PUS10: variants seen among roughly 807,000 people sequenced by gnomAD.
PUS10 encodes pseudouridine synthase 10.
A neutral mutation model predicts 75.0 loss-of-function variants in PUS10; 59 were observed. The observed-to-expected ratio is 0.79, with a 90% CI of 0.64 to 0.98. The LOEUF (loss-of-function observed/expected upper bound fraction) is 0.98, where lower values mean the gene tolerates loss of function less well. Ranked by LOEUF, PUS10 falls within the 50% of genes least tolerant of loss-of-function variation. PUS10 has a pLI of 0.00. For missense variants in PUS10, 650 were observed against 614.4 expected (o/e 1.06, Z -0.61); for synonymous variants, 219 against 211.6 (o/e 1.03, Z -0.30).
chr2:60,984,735 T>C (rs1263013786), intron 4 of PUS10, among the ~76,000 whole-genome samples: 1 of 152,234 alleles, frequency 6.6e-6, no homozygotes, highest in South Asian at 2.1e-4. Flanking sequence ...AGCTCATATA[T>C]GCATATGTGA....
At chr2:60,994,572 CAG>C (rs1322132813) in intron 4 of PUS10, among the ~76,000 whole-genome samples, 11 of 152,072 alleles carry the variant, frequency 7.2e-5, no homozygotes, top group Admixed American at 6.5e-4. Flanking sequence ...ATTTTATTTC[CAG>C]AGTTATCATT....
intron 4 of PUS10, among the ~76,000 whole-genome samples, chr2:61,005,484 A>G (rs935724230): frequency 6.6e-6 from 1 of 150,598 alleles, no homozygotes; most frequent in African/African-American, 2.5e-5. Flanking sequence ...GTTTTAAGAT[A>G]TATAACCACA....
At position 61,006,617 on chromosome 2, in the gene PUS10, C is replaced by T. The variant is rs1334679868; in HGVS notation, c.408G>A (p.Gly136=). 15 of 1,613,046 alleles carry T rather than the reference C, an allele frequency of 9.3e-6. No homozygotes were observed. The highest frequency in any genetic ancestry group is 1.3e-5 in the Non-Finnish European group (15 of 1,179,586). ...AAAATACCAAGCTGGTGAATTCAAA[C>T]CCAGAGGCCTCAACCTTTTGGCACA... ...KKVCQKVEAS[G]FEFTSLVFSV... Residue 136 remains glycine, a synonymous_variant, in exon 4 of 18, where the codon GGG becomes GGA. Transcript: ENST00000316752.
At chr2:61,007,313 G>C (rs1215182142) in intron 3 of PUS10, among the ~76,000 whole-genome samples, 2 of 151,596 alleles carry the variant, frequency 1.3e-5, no homozygotes, top group Non-Finnish European at 2.9e-5. Flanking sequence ...AAAAATTCTT[G>C]GACCTGGGCA....
Position 60,942,304 on chromosome 2 carries a change from A to T in PUS10, c.*91T>A. ...TCCAAATAGTTTTCAAGACACCGTT[A>T]TGGTGGGTAAACAGCCATTTTACGG... On this transcript the variant is annotated 3_prime_UTR_variant, in exon 18 of 18. Coordinates refer to ENST00000316752, the MANE Select transcript of PUS10 (RefSeq NM_144709.4). 1.0e-6 allele frequency: 1 copy of T among 996,258 alleles called. No individual in the cohort carries two copies. Among genetic ancestry groups the T allele is most frequent in the Non-Finnish European group, 1.6e-6 (1 of 616,986 alleles). 61.7% of individuals were successfully genotyped at this position (996,258 alleles called of 1,614,324 possible).
intron 4 of PUS10, among the ~76,000 whole-genome samples, chr2:60,986,066 T>C (rs1342219598): frequency 6.6e-6 from 1 of 152,188 alleles, no homozygotes; most frequent in African/African-American, 2.4e-5. Flanking sequence ...AGGATTTACC[T>C]TTCTTTAGCA....
At position 61,018,140 on chromosome 2, in the gene PUS10, G is replaced by A. The variant is rs758804663; in HGVS notation, c.-148C>T. 2 of 1,549,866 alleles carry A rather than the reference G, an allele frequency of 1.3e-6. No homozygotes were observed. The highest frequency in any genetic ancestry group is 1.4e-5 in the African/African-American group (1 of 73,090). ...AAAGGGGGGCGGCTTCCTACCTACC[G>A]CTTCTGTTTTCACTTTGACAGAATG... On this transcript the variant is annotated 5_prime_UTR_variant, in exon 1 of 18. Transcript: ENST00000316752.
intron 4 of PUS10, among the ~76,000 whole-genome samples, chr2:61,003,548 ATTTTTTT>A (rs1264178685): frequency 6.9e-6 from 1 of 144,844 alleles, no homozygotes; most frequent in South Asian, 2.2e-4. Context: ...TTATTGCTTA[ATTTTTTT>A]TTTTTTTGAG....
intron 16 of PUS10, among the ~76,000 whole-genome samples, chr2:60,946,851 T>TAG (rs896165114): frequency 6.6e-6 from 1 of 151,448 alleles, no homozygotes; most frequent in African/African-American, 2.4e-5. Flanking sequence ...GTAATATATA[T>TAG]ATATAGACAC....
chr2:61,009,629 T>C (rs1679470500), intron 2 of PUS10, among the ~76,000 whole-genome samples: 1 of 152,212 alleles, frequency 6.6e-6, no homozygotes, highest in Non-Finnish European at 1.5e-5. Flanking sequence ...TATTCCAGTT[T>C]GCCTAATTTG....
chr2:60,978,733 G>A (rs1247029893), intron 4 of PUS10, among the ~76,000 whole-genome samples: 1 of 152,170 alleles, frequency 6.6e-6, no homozygotes, highest in Non-Finnish European at 1.5e-5. Context: ...CACTCTGGTT[G>A]CATTGTGAAT....
chr2:60,970,795 C>T (rs1379173966), intron 5 of PUS10, among the ~76,000 whole-genome samples: 1 of 152,052 alleles, frequency 6.6e-6, no homozygotes, highest in Non-Finnish European at 1.5e-5. Context: ...CTATGTCTTA[C>T]CTATGTGTAA....
chr2:60,953,264 G>A (rs940080137), intron 14 of PUS10, 150 bp from the exon 15 acceptor site: 3 of 618,668 alleles, frequency 4.8e-6, no homozygotes, highest in African/African-American at 1.8e-5. Flanking sequence ...TTTCAGAGTT[G>A]TGCAGCTATT....
intron 4 of PUS10, among the ~76,000 whole-genome samples, chr2:61,001,292 CTT>C (rs35762308): frequency 6.9e-6 from 1 of 145,706 alleles, no homozygotes; most frequent in African/African-American, 2.5e-5. Flanking sequence ...GCCACCTCTT[CTT>C]TTTTTTTTTT....
chr2:60,942,403 C>G lies in PUS10; in HGVS notation c.1582G>C (p.Asp528His). ...SVDVDWPPAL[D>H]D ...GTCTCCAAATTTGAAAGCTAGTCAT[C>G]CAGAGCAGGTGGCCAGTCAACATCT... Residue 528 changes from aspartate to histidine, a missense_variant, in exon 18 of 18, where the codon GAT (aspartate) becomes CAT (histidine). Physicochemically the swap from Asp to His is moderately conservative, Grantham distance 81. Transcript: ENST00000316752. 1 of 1,613,452 alleles carries G rather than the reference C, an allele frequency of 6.2e-7. No homozygotes were observed. Among genetic ancestry groups the G allele is most frequent in the Non-Finnish European group, 8.5e-7 (1 of 1,179,436 alleles).
intron 3 of PUS10, among the ~76,000 whole-genome samples, chr2:61,008,037 A>C (rs1459705820): frequency 6.6e-6 from 1 of 151,636 alleles, no homozygotes; most frequent in Non-Finnish European, 1.5e-5. Context: ...AGATTGCGCC[A>C]CTGTGCTCCG....
At chr2:60,956,924 G>A (rs1312902739) in intron 11 of PUS10, among the ~76,000 whole-genome samples, 3 of 123,456 alleles carry the variant, frequency 2.4e-5, no homozygotes, top group African/African-American at 9.9e-5. Flanking sequence ...GCAGTGAGCC[G>A]AGATCACACC....
At chr2:60,963,548 A>G (rs946946226) in intron 8 of PUS10, among the ~76,000 whole-genome samples, 1 of 152,272 alleles carries the variant, frequency 6.6e-6, no homozygotes, top group Admixed American at 6.5e-5. Context: ...ATGGCTTACC[A>G]TGATAAATCA....
intron 11 of PUS10, among the ~76,000 whole-genome samples, chr2:60,960,149 C>CAAAAAA (rs559273848): frequency 2.3e-5 from 2 of 88,272 alleles, no homozygotes; most frequent in African/African-American, 7.8e-5. Flanking sequence ...CAGGCTCTCT[C>CAAAAAA]AAAAAAAAAA....
Sources: allele counts gnomAD v4.1 joint callset (sites outside exome capture counted in the v4.1 genomes callset), GRCh38; gene constraint gnomAD v4.1.1; transcripts MANE v1.5; gene names NCBI Gene and HGNC (gene_info 2026-07-23, HGNC 2026-07-21).